The following RAP1GAP2 variants were observed in gnomAD, a reference collection of about 807,000 sequenced individuals.
The protein encoded by RAP1GAP2 is RAP1 GTPase activating protein 2.
In RAP1GAP2, 27 loss-of-function variants were observed where a neutral mutation model predicts 95.0. The observed-to-expected ratio is 0.28, with a 90% CI of 0.21 to 0.39. RAP1GAP2 has a LOEUF of 0.39. Ranked by LOEUF, RAP1GAP2 falls within the 10% of genes least tolerant of loss-of-function variation. The pLI is 1.00. For missense variants in RAP1GAP2, 771 were observed against 970.0 expected (o/e 0.79, Z 2.72); for synonymous variants, 373 against 380.9 (o/e 0.98, Z 0.24).
At chr17:2,882,740 T>C (rs1201658121) in intron 2 of RAP1GAP2, among the ~76,000 whole-genome samples, 1 of 152,116 alleles carries the variant, frequency 6.6e-6, no homozygotes, top group African/African-American at 2.4e-5. Flanking sequence ...CGGGTGCCGT[T>C]GTCTAGGTGA....
intron 1 of RAP1GAP2, among the ~76,000 whole-genome samples, chr17:2,778,504 G>A (rs12952452): frequency 0.25 from 37,592 of 151,942 alleles, 4,743 homozygotes; most frequent in East Asian, 0.31. Context: ...CTGGAGGCAC[G>A]CTTGCAGCTC....
intron 2 of RAP1GAP2, among the ~76,000 whole-genome samples, chr17:2,838,125 TCTC>T (rs2071223435): frequency 6.9e-6 from 1 of 144,754 alleles, no homozygotes; most frequent in African/African-American, 2.6e-5. Flanking sequence ...TTCAAGCAAT[TCTC>T]CTGCCTCAGC....
chr17:2,870,138 G>A lies in RAP1GAP2; in HGVS notation c.81-35146G>A, dbSNP rs1198961274. ...GACAATCTTTTTTTTTTTTTTTGGA[G>A]ATGGAGTCTCGCACTGTCACCCGGG... On this transcript the variant is annotated intron_variant, in intron 2 of 24. Transcript: ENST00000254695. The surrounding 1 kb of genome is among the most constrained non-coding windows in gnomAD (Gnocchi z 4.4). Among the ~76,000 whole-genome samples, 1 of 148,722 alleles carries A rather than the reference G, an allele frequency of 6.7e-6. No individual in the cohort carries two copies. The highest frequency in any genetic ancestry group is 1.5e-5 in the Non-Finnish European group (1 of 67,362).
At chr17:2,970,273 C>CAA (rs869121536) in intron 8 of RAP1GAP2, among the ~76,000 whole-genome samples, 23,440 of 108,278 alleles carry the variant, frequency 0.22, 3,073 homozygotes, top group East Asian at 0.36. Flanking sequence ...GACTCTGTCT[C>CAA]AAAAAAAAAA....
intron 17 of RAP1GAP2, 26 bp from the exon 18 acceptor site, chr17:3,018,035 C>A: frequency 6.4e-7 from 1 of 1,561,260 alleles, no homozygotes; most frequent in South Asian, 1.2e-5. Context: ...GGTGCTGATT[C>A]TCAGGCCCTT....
chr17:2,936,103 CTTT>C (rs34892554), intron 3 of RAP1GAP2, among the ~76,000 whole-genome samples: 4 of 143,744 alleles, frequency 2.8e-5, no homozygotes, highest in Admixed American at 6.9e-5. Context: ...AGTTTTGCCT[CTTT>C]TTTTTTTTTT....
intron 3 of RAP1GAP2, among the ~76,000 whole-genome samples, chr17:2,908,423 C>T (rs776605701): frequency 2.0e-5 from 3 of 152,050 alleles, no homozygotes; most frequent in Admixed American, 2.0e-4. Flanking sequence ...AATCACCTGG[C>T]GTCATATGGC....
chr17:2,861,060 G>A (rs1362444153), intron 2 of RAP1GAP2, among the ~76,000 whole-genome samples: 3 of 152,052 alleles, frequency 2.0e-5, no homozygotes, highest in Non-Finnish European at 4.4e-5. Context: ...CTTGGAACAT[G>A]GCAGGCTCGC....
At chr17:2,787,859 G>A (rs564298915) in intron 1 of RAP1GAP2, among the ~76,000 whole-genome samples, 102 of 152,244 alleles carry the variant, frequency 6.7e-4, no homozygotes, top group Admixed American at 1.2e-3. Flanking sequence ...GAGCCACCGC[G>A]CCCAGCCTGT....
chr17:2,807,849 A>C, intron 2 of RAP1GAP2, among the ~76,000 whole-genome samples: 1 of 151,898 alleles, frequency 6.6e-6, no homozygotes, highest in Non-Finnish European at 1.5e-5. Context: ...CGAGTCTGAG[A>C]GCCCCTCTGG....
intron 2 of RAP1GAP2, chr17:2,853,903 G>GTT: frequency 2.0e-6 from 2 of 978,820 alleles, no homozygotes; most frequent in Non-Finnish European, 2.4e-6. Context: ...GCCGGGGGCC[G>GTT]GGGCGCGGGC....
At chr17:2,982,012 G>A (rs1567853760) in intron 10 of RAP1GAP2, among the ~76,000 whole-genome samples, 2 of 152,202 alleles carry the variant, frequency 1.3e-5, no homozygotes, top group Non-Finnish European at 2.9e-5. Flanking sequence ...CGCTGCAGCG[G>A]CTGAGGCCTG....
chr17:2,970,077 C>G (rs1597758440), intron 8 of RAP1GAP2, among the ~76,000 whole-genome samples: 1 of 151,594 alleles, frequency 6.6e-6, no homozygotes, highest in South Asian at 2.1e-4. Context: ...AGTTTAAGAC[C>G]AGCCTGGCTA....
At position 2,867,000 on chromosome 17, in the gene RAP1GAP2, G is replaced by A. The variant is rs1390661990; in HGVS notation, c.81-38284G>A. ...ACTGCAACCTCCACCTCTCAGGTTC[G>A]AATGATTCTTCTGCCTCATTCTCCC... On this transcript the variant is annotated intron_variant, in intron 2 of 24. Coordinates refer to ENST00000254695, the MANE Select transcript of RAP1GAP2 (RefSeq NM_015085.5). This position sits in a 1 kb window ranked among gnomAD's most constrained non-coding sequence, Gnocchi z 4.0. Among the ~76,000 whole-genome samples, 4 of 152,100 alleles carry A rather than the reference G, an allele frequency of 2.6e-5. No homozygotes were observed. The highest frequency in any genetic ancestry group is 2.1e-4 in the South Asian group (1 of 4,810).
In RAP1GAP2 at chr17:2,985,000, G is replaced by A. The variant is rs2045506191; in HGVS notation, c.747G>A (p.Val249=). The part of the protein sequence containing the change: ...VLYPKASQMI[V]SYDEHEVNNT... ...TTTTCCAGGCCTCCCAAATGATTGT[G>A]TCCTATGATGAGCATGAAGTCAACA... The change falls in exon 11 of 25, where the codon GTG becomes GTA. Residue 249 remains valine, a synonymous_variant. Coordinates refer to ENST00000254695, the MANE Select transcript of RAP1GAP2 (RefSeq NM_015085.5). 1 of 1,611,738 alleles carries A rather than the reference G, an allele frequency of 6.2e-7. No individual in the cohort carries two copies.
At chr17:2,794,271 C>G (rs1451864614), upstream of RAP1GAP2, among the ~76,000 whole-genome samples, 1 of 152,094 alleles carries the variant, frequency 6.6e-6, no homozygotes, top group Non-Finnish European at 1.5e-5. Context: ...ACTTAGGTCT[C>G]CTGAACCAGT....
In RAP1GAP2 at chr17:2,755,849, G is replaced by A. The variant is rs982062522; in HGVS notation, c.50+82G>A. 233 of 338,412 alleles carry A rather than the reference G, an allele frequency of 6.9e-4. 2 individuals carry two copies. The East Asian group carries it at 0.01, about 15-fold the overall frequency. The allele number at this position is 338,412 out of a possible 1,614,324, so 21.0% of individuals were successfully genotyped here. ...CCGGCGCGGGAAGCAGCGGGGCGCG[G>A]GCCCAAAGTTTCGTCCCGGGCTGAG... On this transcript the variant is annotated intron_variant, in intron 1 of 25. Transcript: ENST00000637138.
chr17:2,763,184 G>A (rs1018387324), intron 1 of RAP1GAP2, among the ~76,000 whole-genome samples: 3 of 152,202 alleles, frequency 2.0e-5, no homozygotes, highest in African/African-American at 7.2e-5. Flanking sequence ...GGACTCGTTA[G>A]TGGGGATCAT....
At chr17:2,982,752 C>G (rs1159263394) in intron 10 of RAP1GAP2, among the ~76,000 whole-genome samples, 1 of 152,038 alleles carries the variant, frequency 6.6e-6, no homozygotes, top group African/African-American at 2.4e-5. Flanking sequence ...CAAATCTTAG[C>G]CACCGAGAGG....
Sources: gnomAD v4.1 joint callset for allele counts (sites outside exome capture counted in the v4.1 genomes callset) on GRCh38, gnomAD v4.1.1 for gene constraint, Gnocchi (gnomAD v3.1) non-coding constraint, MANE v1.5 for transcripts, NCBI Gene and HGNC (gene_info 2026-07-23, HGNC 2026-07-21) for gene names.